TDRP: variants seen among roughly 807,000 people sequenced by gnomAD.
TDRP encodes testis development related protein.
TDRP carries 12 observed loss-of-function variants against 10.5 expected under a neutral mutation model. That is an observed-to-expected ratio of 1.15 (90% confidence interval 0.73 to 1.86). The LOEUF is 1.86. TDRP is among the 40% of genes most tolerant of loss of function. TDRP has a pLI of 0.00. For missense variants in TDRP, 353 were observed against 229.2 expected, an observed-to-expected ratio of 1.54 and a Z score of -3.49; for synonymous variants, 139 against 95.4, an observed-to-expected ratio of 1.46 and a Z score of -2.67.
chr8:544,591 T>A (rs1363796169), intron 1 of TDRP, 59 bp downstream of exon 1: 7 of 1,127,550 alleles, frequency 6.2e-6, no homozygotes, highest in Non-Finnish European at 1.1e-6. Context: ...CCGCCCACCC[T>A]CGCCCTCCAC....
At chr8:514,405 G>T (rs80243636) in intron 1 of TDRP, among the ~76,000 whole-genome samples, 5,565 of 152,244 alleles carry the variant, frequency 0.037, 314 homozygotes, top group African/African-American at 0.13. Flanking sequence ...AAAGCCACAT[G>T]TAAGAAAATG....
chr8:522,592 T>G (rs1801934161), intron 1 of TDRP, among the ~76,000 whole-genome samples: 1 of 152,238 alleles, frequency 6.6e-6, no homozygotes, highest in African/African-American at 2.4e-5. Flanking sequence ...TTCTCGCTTC[T>G]GTAATATGCT....
At chr8:510,836 G>C (rs936314904) in intron 1 of TDRP, among the ~76,000 whole-genome samples, 21 of 152,148 alleles carry the variant, frequency 1.4e-4, no homozygotes, top group African/African-American at 5.1e-4. Flanking sequence ...ATAAAATACA[G>C]TACAGATACA....
chr8:526,364 CTAT>C (rs1480168673), intron 1 of TDRP, among the ~76,000 whole-genome samples: 2 of 152,068 alleles, frequency 1.3e-5, no homozygotes, highest in African/African-American at 4.8e-5. Context: ...TTGCATATGG[CTAT>C]TATTATGTGG....
At chr8:520,064 C>G (rs567824321) in intron 1 of TDRP, among the ~76,000 whole-genome samples, 2 of 152,176 alleles carry the variant, frequency 1.3e-5, no homozygotes, top group Non-Finnish European at 2.9e-5. Flanking sequence ...TGAAAGGAAA[C>G]ACATAGGCAG....
At chr8:539,960 T>C (rs1290427447) in intron 1 of TDRP, among the ~76,000 whole-genome samples, 1 of 152,240 alleles carries the variant, frequency 6.6e-6, no homozygotes, top group Admixed American at 6.5e-5. Flanking sequence ...CTAAGCTTTT[T>C]AAATTTGTAA....
At chr8:544,899 C>T (rs1277793128), upstream of TDRP, 1 of 498,784 alleles carries the variant, frequency 2.0e-6, no homozygotes, top group African/African-American at 2.0e-5. Flanking sequence ...GCGGGGCACC[C>T]CCAGAACTAG....
intron 1 of TDRP, among the ~76,000 whole-genome samples, chr8:538,752 G>A (rs140697606): frequency 6.6e-6 from 1 of 152,326 alleles, no homozygotes; most frequent in East Asian, 1.9e-4. Context: ...TTAGGCTTGT[G>A]AACATCTAAG....
chr8:502,485 C>T (rs968337665), intron 1 of TDRP, among the ~76,000 whole-genome samples: 8 of 152,226 alleles, frequency 5.3e-5, no homozygotes, highest in African/African-American at 1.7e-4. Context: ...GCTGATCTGA[C>T]CCCCAGCCTG....
At chr8:510,805 G>A (rs990781453) in intron 1 of TDRP, among the ~76,000 whole-genome samples, 77 of 152,246 alleles carry the variant, frequency 5.1e-4, no homozygotes, top group Middle Eastern at 3.4e-3. Flanking sequence ...AAAGTGCACC[G>A]GTAATGGTAA....
chr8:496,857 G>C (rs546767125), intron 1 of TDRP, among the ~76,000 whole-genome samples: 152 of 152,348 alleles, frequency 1.0e-3, no homozygotes, highest in Middle Eastern at 3.4e-3. Context: ...TTAAAAGTGT[G>C]TGGCACCTGT....
chr8:497,393 G>A (rs1193279754), intron 1 of TDRP, among the ~76,000 whole-genome samples: 1 of 152,182 alleles, frequency 6.6e-6, no homozygotes, highest in African/African-American at 2.4e-5. Flanking sequence ...AGAGATATGT[G>A]GAACCTTGAA....
intron 1 of TDRP, among the ~76,000 whole-genome samples, chr8:543,383 G>T (rs1802552354): frequency 6.6e-6 from 1 of 152,090 alleles, no homozygotes; most frequent in African/African-American, 2.4e-5. Context: ...GGAGAACATA[G>T]GAAGACTCAG....
At chr8:525,973 T>A (rs765658732) in intron 1 of TDRP, among the ~76,000 whole-genome samples, 3 of 152,166 alleles carry the variant, frequency 2.0e-5, no homozygotes, top group Non-Finnish European at 4.4e-5. Flanking sequence ...CTGGCTTTGA[T>A]CTTATTGTTA....
At position 544,822 on chromosome 8, in the gene TDRP, C is replaced by T; in HGVS notation, c.-65G>A. The T allele has an allele frequency of 8.7e-7, 1 of 1,148,182 alleles. No individual in the cohort carries two copies. Among genetic ancestry groups the T allele is most frequent in the Non-Finnish European group, 1.1e-6 (1 of 913,974 alleles). The allele number at this position is 1,148,182 out of a possible 1,614,324, so 71.1% of individuals were successfully genotyped here. A position where few individuals can be genotyped will look rare whatever the true frequency, so the allele number is the denominator to read the frequency against. ...GCTGTGGCTCCGCGTCCCTCCCGGC[C>T]GCCGGACGCTCTGCCTGCGGCTCCT... On this transcript the variant is annotated 5_prime_UTR_variant, in exon 1 of 3. Transcript: ENST00000324079.
At chr8:509,007 A>T (rs374552553) in intron 1 of TDRP, among the ~76,000 whole-genome samples, 1 of 152,244 alleles carries the variant, frequency 6.6e-6, no homozygotes, top group Non-Finnish European at 1.5e-5. Context: ...CACTCATCAC[A>T]TCTTAAAGCT....
At chr8:516,723 T>G (rs1801765598) in intron 1 of TDRP, among the ~76,000 whole-genome samples, 1 of 152,128 alleles carries the variant, frequency 6.6e-6, no homozygotes, top group African/African-American at 2.4e-5. Context: ...ACTCTCACCA[T>G]GCAAGCCGGC....
intron 1 of TDRP, among the ~76,000 whole-genome samples, chr8:537,733 A>T (rs1443541070): frequency 2.0e-5 from 3 of 152,218 alleles, no homozygotes; most frequent in Non-Finnish European, 4.4e-5. Context: ...GAAACAAAAG[A>T]GGACATTTCC....
intron 1 of TDRP, among the ~76,000 whole-genome samples, chr8:501,914 C>T (rs1801314079): frequency 6.6e-6 from 1 of 152,196 alleles, no homozygotes; most frequent in Admixed American, 6.5e-5. Context: ...CTGACCCACC[C>T]TCTCCAAAGC....
Sources: allele counts gnomAD v4.1 joint callset (sites outside exome capture counted in the v4.1 genomes callset), GRCh38; gene constraint gnomAD v4.1.1; transcripts MANE v1.5; gene names NCBI Gene and HGNC (gene_info 2026-07-23, HGNC 2026-07-21).